PGS1: variants seen among roughly 807,000 people sequenced by gnomAD.
The protein encoded by PGS1 is phosphatidylglycerophosphate synthase 1, also known as CDP-diacylglycerol--glycerol-3-phosphate 3-phosphatidyltransferase, mitochondrial.
In PGS1, 44 loss-of-function variants were observed where a neutral mutation model predicts 58.3. That is an observed-to-expected ratio of 0.75 (90% CI 0.59 to 0.97). The LOEUF (loss-of-function observed/expected upper bound fraction) is 0.97, where lower values mean the gene tolerates loss of function less well. PGS1 is among the 50% of genes least tolerant of loss of function. The pLI, the probability that PGS1 is intolerant of heterozygous loss-of-function variation, is 0.00. For missense variants in PGS1, 684 were observed against 731.1 expected (o/e 0.94, Z 0.74); for synonymous variants, 330 against 311.0 (o/e 1.06, Z -0.64).
At chr17:78,380,852 C>CTTTTTTTT (rs891331092) in intron 1 of PGS1, 1 of 146,154 alleles carries the variant, frequency 6.8e-6, no homozygotes, top group African/African-American at 2.5e-5. Context: ...TTTTCTTTTT[C>CTTTTTTTT]TTTTTTTTTT....
intron 1 of PGS1, among the ~76,000 whole-genome samples, chr17:78,384,033 C>A (rs1310669512): frequency 1.3e-5 from 2 of 152,166 alleles, no homozygotes; most frequent in Non-Finnish European, 2.9e-5. Context: ...ATAGAACATG[C>A]GATTGGTTCT....
intron 7 of PGS1, among the ~76,000 whole-genome samples, chr17:78,409,837 G>T (rs544275559): frequency 6.6e-6 from 1 of 152,220 alleles, no homozygotes; most frequent in African/African-American, 2.4e-5. Context: ...AAGGCCTGGC[G>T]TGGTGGCTCA....
At chr17:78,418,091 G>A (rs531563298) in intron 8 of PGS1, among the ~76,000 whole-genome samples, 103 of 151,676 alleles carry the variant, frequency 6.8e-4, no homozygotes, top group Non-Finnish European at 1.3e-3. Context: ...CATCACGCCC[G>A]GCTAATGTTT....
At chr17:78,395,501 T>C (rs1380327674) in intron 2 of PGS1, among the ~76,000 whole-genome samples, 3 of 152,172 alleles carry the variant, frequency 2.0e-5, no homozygotes, top group Non-Finnish European at 2.9e-5. Flanking sequence ...CCCTCTCACC[T>C]GGGTCTCCTA....
intron 7 of PGS1, among the ~76,000 whole-genome samples, chr17:78,406,004 T>TG (rs1352810843): frequency 6.6e-6 from 1 of 152,064 alleles, no homozygotes; most frequent in Non-Finnish European, 1.5e-5. Flanking sequence ...GTTTTTCAAT[T>TG]GGGGGATGCG....
intron 7 of PGS1, among the ~76,000 whole-genome samples, chr17:78,404,878 T>C (rs1056225267): frequency 1.3e-5 from 2 of 152,236 alleles, no homozygotes; most frequent in Admixed American, 1.3e-4. Flanking sequence ...CAGGCTGGCC[T>C]TGAACTCCTG....
chr17:78,419,433 T>C (rs2085491230), intron 8 of PGS1, 113 bp from the exon 9 acceptor site: 6 of 888,150 alleles, frequency 6.8e-6, no homozygotes, highest in Admixed American at 1.8e-5. Context: ...CAGGTAGACA[T>C]GGGAAGTCAG....
At chr17:78,417,406 G>A (rs115106082) in intron 8 of PGS1, among the ~76,000 whole-genome samples, 1,703 of 152,298 alleles carry the variant, frequency 0.011, 33 homozygotes, top group African/African-American at 0.038. Flanking sequence ...GCGGGGCTGC[G>A]GGGCTGCTCA....
chr17:78,418,692 C>T (rs2085423227), intron 8 of PGS1, among the ~76,000 whole-genome samples: 1 of 152,096 alleles, frequency 6.6e-6, no homozygotes, highest in Non-Finnish European at 1.5e-5. Flanking sequence ...GGGGTAAGCT[C>T]TTGCAAAGGG....
rs76375743 is a variant in PGS1 at position 78,396,030 on chromosome 17, A to T, written c.334-278A>T. Among the ~76,000 whole-genome samples, 772 of 152,370 alleles carry T rather than the reference A, an allele frequency of 5.1e-3. 2 individuals carry two copies. Among genetic ancestry groups the T allele is most frequent in the Non-Finnish European group, 8.1e-3 (553 of 68,036 alleles). On this transcript the variant is annotated intron_variant, in intron 2 of 9. Transcript: ENST00000262764. Reference sequence around the variant, plus strand: ...GCTGGGATTATAGGCGTGAGCCACTACACCCAGCCTGCCTTCATTCTTCTT... The same window carrying T: ...GCTGGGATTATAGGCGTGAGCCACTTCACCCAGCCTGCCTTCATTCTTCTT...
chr17:78,384,774 G>A (rs911111781), intron 1 of PGS1, among the ~76,000 whole-genome samples: 6 of 152,232 alleles, frequency 3.9e-5, no homozygotes, highest in African/African-American at 1.4e-4. Context: ...ACCCCAAGAA[G>A]TTGGCCTGTT....
At chr17:78,402,930 C>A (rs1461358882) in intron 6 of PGS1, among the ~76,000 whole-genome samples, 1 of 152,106 alleles carries the variant, frequency 6.6e-6, no homozygotes, top group African/African-American at 2.4e-5. Context: ...AGTGTCTTGT[C>A]CGAATACAAA....
At chr17:78,394,609 G>A (rs2083087029) in intron 2 of PGS1, among the ~76,000 whole-genome samples, 1 of 151,778 alleles carries the variant, frequency 6.6e-6, no homozygotes, top group African/African-American at 2.4e-5. Flanking sequence ...AGGCTGGAGT[G>A]CAATGGCACG....
At chr17:78,419,867 G>C in intron 9 of PGS1, 192 bp downstream of exon 9, 1 of 1,341,598 alleles carries the variant, frequency 7.5e-7, no homozygotes. Context: ...TAGGCAGTCT[G>C]TTCACTTTCC....
rs56246296 is a variant in PGS1, at chr17:78,424,356, T to A, written c.*306T>A. 87,607 of 578,068 alleles carry A rather than the reference T, an allele frequency of 0.15. 7,400 individuals are homozygous for A. Among genetic ancestry groups the A allele is most frequent in the Middle Eastern group, 0.21 (439 of 2,094 alleles). The allele number at this position is 578,068 out of a possible 1,614,324, so 35.8% of individuals were successfully genotyped here. Reference sequence around the variant, plus strand: ...TTGTAACTACCCCGTCCCGCTGGGCTCAAGGAACAGCTCAGCTAAAGCCCT... The same window carrying A: ...TTGTAACTACCCCGTCCCGCTGGGCACAAGGAACAGCTCAGCTAAAGCCCT... On this transcript the variant is annotated 3_prime_UTR_variant, in exon 10 of 10. Transcript: ENST00000262764.
In PGS1 at chr17:78,407,987, G is replaced by A. The variant is rs183423763; in HGVS notation, c.1402+3898G>A. 2.6e-5 allele frequency among the ~76,000 whole-genome samples: 4 copies of A among 152,338 alleles called. No individual in the cohort carries two copies. The East Asian group carries it at 7.7e-4, about 29-fold the overall frequency. ...TTGTCAAGTATTGCCAGGACTGTCT[G>A]GCAGTTGCTTAGATGCCTTGTTGGA... On this transcript the variant is annotated intron_variant, in intron 7 of 9. Transcript: ENST00000262764.
intron 8 of PGS1, among the ~76,000 whole-genome samples, chr17:78,418,862 T>C (rs1179052143): frequency 2.6e-5 from 4 of 151,610 alleles, no homozygotes; most frequent in Non-Finnish European, 4.4e-5. Context: ...GAAGAAAAAC[T>C]GTGTCTCATT....
intron 7 of PGS1, among the ~76,000 whole-genome samples, chr17:78,406,957 C>T (rs1465758311): frequency 1.3e-5 from 2 of 152,210 alleles, no homozygotes; most frequent in Non-Finnish European, 2.9e-5. Context: ...TGAGCTGACT[C>T]CCCAGTTACC....
chr17:78,380,328 T>C (rs2081951038), intron 1 of PGS1, among the ~76,000 whole-genome samples: 1 of 152,172 alleles, frequency 6.6e-6, no homozygotes, highest in Non-Finnish European at 1.5e-5. Context: ...TACAGAGATC[T>C]GGGGTCCAGT....
Sources: allele counts gnomAD v4.1 joint callset (sites outside exome capture counted in the v4.1 genomes callset), GRCh38; gene constraint gnomAD v4.1.1; transcripts MANE v1.5; gene names NCBI Gene and HGNC (gene_info 2026-07-23, HGNC 2026-07-21).